The following FHIT variants were observed in gnomAD, a reference collection of about 807,000 sequenced individuals.
FHIT encodes the protein bis(5'-adenosyl)-triphosphatase.
FHIT carries 19 observed loss-of-function variants against 17.9 expected under a neutral mutation model. The ratio of observed to expected loss-of-function variants is 1.06; its 90% confidence interval spans 0.74 to 1.56. FHIT has a LOEUF of 1.56. Ranked by LOEUF, FHIT falls within the 40% of genes most tolerant of loss-of-function variation. The pLI, the probability that FHIT is intolerant of heterozygous loss-of-function variation, is 0.00. For synonymous variants in FHIT, 81 were observed against 69.7 expected, an observed-to-expected ratio of 1.16 and a Z score of -0.81; for missense variants, 248 against 189.2, an observed-to-expected ratio of 1.31 and a Z score of -1.82.
intron 3 of FHIT, among the ~76,000 whole-genome samples, chr3:60,917,206 T>C (rs1707051621): frequency 6.6e-6 from 1 of 152,212 alleles, no homozygotes; most frequent in East Asian, 1.9e-4. Flanking sequence ...AAGCATTGGA[T>C]AGTAGTAAAT....
At chr3:60,762,155 A>G (rs1699678907) in intron 4 of FHIT, among the ~76,000 whole-genome samples, 1 of 152,186 alleles carries the variant, frequency 6.6e-6, no homozygotes. Flanking sequence ...GGTGTGGATG[A>G]TGCCACCACT....
intron 5 of FHIT, among the ~76,000 whole-genome samples, chr3:60,081,744 G>T (rs1703293472): frequency 6.6e-6 from 1 of 152,102 alleles, no homozygotes; most frequent in Non-Finnish European, 1.5e-5. Flanking sequence ...GTGAATATGT[G>T]TGTGTGTTTT....
chr3:60,687,400 G>A (rs2040882988), intron 4 of FHIT, among the ~76,000 whole-genome samples: 1 of 151,838 alleles, frequency 6.6e-6, no homozygotes, highest in Non-Finnish European at 1.5e-5. Context: ...TTCCTTTCCT[G>A]TTTGAATCTG....
chr3:61,230,914 C>T (rs1056909945), intron 1 of FHIT, among the ~76,000 whole-genome samples: 2 of 152,036 alleles, frequency 1.3e-5, no homozygotes, highest in African/African-American at 4.8e-5. Flanking sequence ...TTTTAAAGGA[C>T]ATTTCAGAAC....
intron 7 of FHIT, among the ~76,000 whole-genome samples, chr3:59,959,190 G>T (rs894176884): frequency 7.2e-5 from 11 of 152,148 alleles, no homozygotes; most frequent in African/African-American, 2.4e-4. Flanking sequence ...TATAGGGAGA[G>T]TGATGACAAT....
chr3:61,145,267 G>C (rs2037193878), intron 2 of FHIT, among the ~76,000 whole-genome samples: 1 of 152,128 alleles, frequency 6.6e-6, no homozygotes, highest in Non-Finnish European at 1.5e-5. Flanking sequence ...ATCCCCAGTT[G>C]TCCTAACAAC....
chr3:60,632,789 A>G (rs73095400), intron 4 of FHIT, among the ~76,000 whole-genome samples: 1 of 152,042 alleles, frequency 6.6e-6, no homozygotes, highest in Non-Finnish European at 1.5e-5. Context: ...GTTAAAAAAA[A>G]CTAAAGTTCT....
intron 7 of FHIT, among the ~76,000 whole-genome samples, chr3:59,967,325 T>C (rs942393666): frequency 2.2e-4 from 34 of 152,184 alleles, no homozygotes; most frequent in Admixed American, 5.2e-4. Context: ...ACTAGTAACA[T>C]AGTCGTTTAT....
intron 5 of FHIT, among the ~76,000 whole-genome samples, chr3:60,476,956 T>A (rs1266205306): frequency 6.6e-6 from 1 of 151,394 alleles, no homozygotes; most frequent in African/African-American, 2.4e-5. Context: ...AACATTACCA[T>A]AAACAGAACA....
chr3:60,434,855 T>C (rs531313300), intron 5 of FHIT, among the ~76,000 whole-genome samples: 2 of 152,264 alleles, frequency 1.3e-5, no homozygotes, highest in South Asian at 4.1e-4. Context: ...CAAATCATAG[T>C]TTCTACTCTT....
chr3:60,782,943 C>T (rs1700442033), intron 4 of FHIT, among the ~76,000 whole-genome samples: 2 of 152,108 alleles, frequency 1.3e-5, no homozygotes, highest in South Asian at 4.2e-4. Context: ...GACCTAATCA[C>T]CTCAAAGGCT....
At chr3:59,756,499 A>AAACT (rs1553662415) in intron 8 of FHIT, among the ~76,000 whole-genome samples, 3 of 151,760 alleles carry the variant, frequency 2.0e-5, no homozygotes, top group Non-Finnish European at 4.4e-5. Flanking sequence ...AAAATACAAG[A>AAACT]CACTCAGTGA....
chr3:60,919,403 T>TG (rs1233083820), intron 3 of FHIT, among the ~76,000 whole-genome samples: 3 of 151,802 alleles, frequency 2.0e-5, no homozygotes, highest in Non-Finnish European at 2.9e-5. Flanking sequence ...ACCACAGTTT[T>TG]TTTTTTTTTT....
intron 5 of FHIT, among the ~76,000 whole-genome samples, chr3:60,031,985 T>C (rs1180734947): frequency 6.6e-6 from 1 of 152,330 alleles, no homozygotes; most frequent in Admixed American, 6.5e-5. Flanking sequence ...AATAACTTGA[T>C]AGTTATTGCA....
chr3:60,808,751 A>C (rs1701478615), intron 4 of FHIT, among the ~76,000 whole-genome samples: 1 of 152,170 alleles, frequency 6.6e-6, no homozygotes, highest in South Asian at 2.1e-4. Flanking sequence ...CATATTGGCT[A>C]CAACTGGTCT....
intron 5 of FHIT, among the ~76,000 whole-genome samples, chr3:60,498,172 T>C (rs1324520620): frequency 6.6e-6 from 1 of 152,166 alleles, no homozygotes; most frequent in Non-Finnish European, 1.5e-5. Context: ...ACAGCAAAAA[T>C]GCAACCAGTT....
At chr3:60,762,665 T>C (rs940370579) in intron 4 of FHIT, among the ~76,000 whole-genome samples, 6 of 152,226 alleles carry the variant, frequency 3.9e-5, no homozygotes, top group Non-Finnish European at 8.8e-5. Context: ...GATGTCACTG[T>C]GAAGGTAATT....
chr3:61,030,358 T>C (rs2032951209), intron 3 of FHIT, among the ~76,000 whole-genome samples: 1 of 152,238 alleles, frequency 6.6e-6, no homozygotes, highest in Admixed American at 6.5e-5. Flanking sequence ...GTTCATTCAA[T>C]ACGTTTGCGA....
chr3:60,249,425 A>T (rs1705573714), intron 5 of FHIT, among the ~76,000 whole-genome samples: 1 of 152,122 alleles, frequency 6.6e-6, no homozygotes, highest in Non-Finnish European at 1.5e-5. Flanking sequence ...CTTGGGCTAT[A>T]AGGATAAGCC....
Sources: allele counts gnomAD v4.1 joint callset (sites outside exome capture counted in the v4.1 genomes callset), GRCh38; gene constraint gnomAD v4.1.1; transcripts MANE v1.5; gene names NCBI Gene and HGNC (gene_info 2026-07-23, HGNC 2026-07-21).